Variants in TRAP1 observed in about 807,000 individuals in gnomAD.
TRAP1 encodes the protein TNF receptor associated protein 1, also known as heat shock protein 75 kDa, mitochondrial.
In TRAP1, 102 loss-of-function variants were observed where a neutral mutation model predicts 89.1. That is an observed-to-expected ratio of 1.15 (90% CI 0.98 to 1.35). The LOEUF is 1.35. Among genes scored for constraint, TRAP1 ranks in the 40% most tolerant of loss-of-function variants. The probability of loss-of-function intolerance (pLI) is 0.00; values close to 1 mark genes in which losing one functional copy is unlikely to be tolerated. For missense variants in TRAP1, 1,256 were observed against 945.3 expected, an observed-to-expected ratio of 1.33 and a Z score of -4.31; for synonymous variants, 508 against 388.0, an observed-to-expected ratio of 1.31 and a Z score of -3.64.
intron 1 of TRAP1, among the ~76,000 whole-genome samples, chr16:3,715,548 T>C (rs2051586999): frequency 6.6e-6 from 1 of 152,066 alleles, no homozygotes; most frequent in South Asian, 2.1e-4. Context: ...AAAGCATGAA[T>C]CACAAACACC....
chr16:3,709,865 G>C (rs1282232291), intron 1 of TRAP1, among the ~76,000 whole-genome samples: 1 of 152,144 alleles, frequency 6.6e-6, no homozygotes, highest in Admixed American at 6.6e-5. Context: ...GGTCAGGCTG[G>C]TCTCAAACTC....
At position 3,686,040 on chromosome 16, in the gene TRAP1, T is replaced by G; in HGVS notation, c.427A>C (p.Ile143Leu). Residue 143 changes from isoleucine to leucine, a missense_variant, in exon 4 of 18, where the codon ATT (isoleucine) becomes CTT (leucine). Physicochemically the swap from Ile to Leu is conservative, Grantham distance 5 (BLOSUM62 2). Transcript: ENST00000246957. ...SDGQALPEME[I>L]HLQTNAEKGT... ...TTCTCGGCATTGGTCTGCAAGTGAA[T>G]CTCCATTTCTGGCAGTGCTTGGCCG... The G allele has an allele frequency of 6.2e-7, 1 of 1,613,960 alleles. No homozygotes were observed.
At chr16:3,690,796 C>T (rs746606065) in intron 2 of TRAP1, 31 bp downstream of exon 2, 9 of 1,352,142 alleles carry the variant, frequency 6.7e-6, no homozygotes, top group Non-Finnish European at 8.7e-6. Context: ...ACCAAAAAGC[C>T]CTCCCAGACC....
chr16:3,711,135 C>T (rs1223669028), intron 1 of TRAP1, among the ~76,000 whole-genome samples: 1 of 151,966 alleles, frequency 6.6e-6, no homozygotes, highest in Non-Finnish European at 1.5e-5. Context: ...CCGCAGCCCC[C>T]AAAGTGCTGG....
At chr16:3,678,844 G>A (rs2051036069) in intron 5 of TRAP1, among the ~76,000 whole-genome samples, 1 of 152,200 alleles carries the variant, frequency 6.6e-6, no homozygotes, top group Admixed American at 6.5e-5. Flanking sequence ...AGGTTCCCAG[G>A]CTGTTGGTCT....
intron 5 of TRAP1, among the ~76,000 whole-genome samples, chr16:3,679,343 G>C (rs371549403): frequency 6.6e-6 from 1 of 152,038 alleles, no homozygotes; most frequent in African/African-American, 2.4e-5. Context: ...ATGATAAAAA[G>C]TAGTATAAAA....
intron 14 of TRAP1, 110 bp downstream of exon 14, chr16:3,663,314 C>G: frequency 6.9e-7 from 1 of 1,454,452 alleles, no homozygotes; most frequent in Non-Finnish European, 9.3e-7. Flanking sequence ...TCGGGGGTGG[C>G]TGAGCCCAGG....
chr16:3,694,308 C>A (rs1479067615), intron 1 of TRAP1, among the ~76,000 whole-genome samples: 1 of 152,110 alleles, frequency 6.6e-6, no homozygotes, highest in African/African-American at 2.4e-5. Flanking sequence ...AATAAGCTCA[C>A]ACTCACAAGT....
intron 1 of TRAP1, among the ~76,000 whole-genome samples, chr16:3,703,083 T>C (rs2051391280): frequency 1.7e-5 from 2 of 118,676 alleles, no homozygotes; most frequent in South Asian, 5.4e-4. Context: ...AGTAAGATGG[T>C]AGAATACAAA....
chr16:3,674,224 C>T (rs2050955356), intron 9 of TRAP1, 115 bp downstream of exon 9: 4 of 1,398,536 alleles, frequency 2.9e-6, no homozygotes, highest in Non-Finnish European at 3.9e-6. Flanking sequence ...CCCAGCACTA[C>T]CTATGTTTTT....
rs1234213074 is a variant in TRAP1 at position 3,664,460 on chromosome 16, C to T, written c.1384-1G>A. On this transcript the variant is annotated splice_acceptor_variant, in intron 12 of 17. Coordinates refer to ENST00000246957, the MANE Select transcript of TRAP1 (RefSeq NM_016292.3). LOFTEE classifies it high-confidence loss of function. The stretch of plus-strand genomic sequence containing the variant: ...AGCGCAGCAGCTTTGCTATGTCCTC[C>T]TAGAAGGGACGGGGCAGGTCACCAC... The T allele has an allele frequency of 4.4e-6, 7 of 1,608,014 alleles. No individual in the cohort carries two copies. Among genetic ancestry groups the T allele is most frequent in the Non-Finnish European group, 5.9e-6 (7 of 1,177,684 alleles).
intron 1 of TRAP1, among the ~76,000 whole-genome samples, chr16:3,697,327 TTTAAATCTTCTTC>T (rs1327415537): frequency 1.3e-5 from 2 of 152,146 alleles, no homozygotes; most frequent in Non-Finnish European, 2.9e-5. Flanking sequence ...TCTACTACAT[TTTAAATCTTCTTC>T]TTATTGATTT....
rs553472895 is a variant in TRAP1, at chr16:3,702,128, G to A, written c.89-11143C>T. Reference sequence around the variant, plus strand: ...ACACAGTGAGACTCCATCTCGGGCGGGGGAAAATATGAGGCTGTCACAAAA... The same window carrying A: ...ACACAGTGAGACTCCATCTCGGGCGAGGGAAAATATGAGGCTGTCACAAAA... On this transcript the variant is annotated intron_variant, in intron 1 of 17. Coordinates refer to ENST00000246957, the MANE Select transcript of TRAP1 (RefSeq NM_016292.3). Among the ~76,000 whole-genome samples, 13 of 149,534 alleles carry A rather than the reference G, an allele frequency of 8.7e-5. 1 individual carries two copies. The highest frequency in any genetic ancestry group is 3.3e-4 in the African/African-American group (13 of 39,018).
chr16:3,702,731 T>C lies in TRAP1; in HGVS notation c.89-11746A>G, dbSNP rs1305509984. ...CTGCACTCTAGCCTGGGTGACAAAG[T>C]GAGACCCTGTCTTTAAGAGAAATTT... On this transcript the variant is annotated intron_variant, in intron 1 of 17. Coordinates refer to ENST00000246957, the MANE Select transcript of TRAP1 (RefSeq NM_016292.3). 2.0e-5 allele frequency among the ~76,000 whole-genome samples: 3 copies of C among 151,246 alleles called. No homozygotes were observed. In the East Asian group the frequency reaches 5.8e-4, roughly 29 times the overall value.
intron 4 of TRAP1, 129 bp downstream of exon 4, chr16:3,685,867 T>C (rs2051131466): frequency 8.1e-7 from 1 of 1,232,254 alleles, no homozygotes; most frequent in Admixed American, 2.4e-5. Flanking sequence ...AACACTAAAT[T>C]ATAGCCAGAG....
At position 3,682,407 on chromosome 16, in the gene TRAP1, T is replaced by A. The variant is rs1038750137; in HGVS notation, c.472-2617A>T. Among the ~76,000 whole-genome samples the A allele has an allele frequency of 9.2e-4, 128 of 138,586 alleles. No individual in the cohort carries two copies. The East Asian group carries it at 0.021, about 23-fold the overall frequency. 90.9% of individuals were successfully genotyped at this position (138,586 alleles called of 152,430 possible). A position where few individuals can be genotyped will look rare whatever the true frequency, so the allele number is the denominator to read the frequency against. ...CTCTACAAAAAAAAAAAAAAAAAAA[T>A]TTCTCGCTCTGTCACGCAGGCTAGA... On this transcript the variant is annotated intron_variant, in intron 4 of 17. Transcript: ENST00000246957.
At chr16:3,677,059 G>GA (rs80038367) in intron 6 of TRAP1, 2,067 of 87,338 alleles carry the variant, frequency 0.024, 15 homozygotes, top group Non-Finnish European at 0.027. Context: ...CGTCCCAAAG[G>GA]AAAAAAAAAA....
chr16:3,708,434 C>T (rs1397548673), intron 1 of TRAP1, among the ~76,000 whole-genome samples: 1 of 151,932 alleles, frequency 6.6e-6, no homozygotes, highest in Non-Finnish European at 1.5e-5. Context: ...GTCAGGAGTT[C>T]AAGACCAGCC....
At chr16:3,703,937 C>T (rs773792198) in intron 1 of TRAP1, among the ~76,000 whole-genome samples, 1 of 149,308 alleles carries the variant, frequency 6.7e-6, no homozygotes, top group Non-Finnish European at 1.5e-5. Context: ...ATGGAGTGAA[C>T]GCGGGAGGCG....
Sources: allele counts gnomAD v4.1 joint callset (sites outside exome capture counted in the v4.1 genomes callset), GRCh38; gene constraint gnomAD v4.1.1; transcripts MANE v1.5; gene names NCBI Gene and HGNC (gene_info 2026-07-23, HGNC 2026-07-21).